Variants in REDIC1 observed in about 807,000 individuals in gnomAD.
REDIC1 encodes regulator of DNA class I crossover intermediates 1.
the REDIC1 span, among the ~76,000 whole-genome samples, chr12:39,725,346 A>G: frequency 6.6e-6 from 1 of 152,138 alleles, no homozygotes; most frequent in Non-Finnish European, 1.5e-5. Flanking sequence ...TGACATATTT[A>G]GGGTCTTTAT....
the REDIC1 span, among the ~76,000 whole-genome samples, chr12:39,744,945 C>T: frequency 6.6e-6 from 1 of 152,148 alleles, no homozygotes; most frequent in Non-Finnish European, 1.5e-5. Context: ...TTTCAAGAAG[C>T]TCACTTTCAA....
the REDIC1 span, among the ~76,000 whole-genome samples, chr12:39,800,520 G>T: frequency 8.1e-6 from 1 of 123,766 alleles, no homozygotes; most frequent in South Asian, 3.2e-4. Flanking sequence ...GGCCATCAGA[G>T]AAATGCAAAT....
the REDIC1 span, among the ~76,000 whole-genome samples, chr12:39,824,766 G>A: frequency 6.6e-6 from 1 of 152,100 alleles, no homozygotes. Flanking sequence ...GTGCTAGAGG[G>A]CAGCAGGAGA....
chr12:39,646,494 G>A, the REDIC1 span: 3 of 1,520,546 alleles, frequency 2.0e-6, no homozygotes, highest in Middle Eastern at 1.8e-4. Flanking sequence ...ATTATTAGGT[G>A]TTTAAACTGG....
chr12:39,908,260 T>C, the REDIC1 span: 113 of 151,918 alleles, frequency 7.4e-4, 2 homozygotes, highest in African/African-American at 2.7e-3. Context: ...AATTATTCCA[T>C]TATTTCCTAA....
the REDIC1 span, chr12:39,721,152 T>C: frequency 1.2e-6 from 2 of 1,613,674 alleles, no homozygotes; most frequent in Non-Finnish European, 1.7e-6. Context: ...TTTCAAAATG[T>C]ACATGTAGAA....
the REDIC1 span, among the ~76,000 whole-genome samples, chr12:39,725,036 A>T: frequency 6.6e-6 from 1 of 151,852 alleles, no homozygotes; most frequent in African/African-American, 2.4e-5. Context: ...AAGTGGGATT[A>T]AAAAAAATGA....
chr12:39,730,044 ATG>A, the REDIC1 span, among the ~76,000 whole-genome samples: 15 of 152,206 alleles, frequency 9.9e-5, no homozygotes, highest in African/African-American at 3.4e-4. Flanking sequence ...TTTTGAGCCT[ATG>A]TGTGTCTTTG....
At chr12:39,797,738 A>ACACACACG in the REDIC1 span, among the ~76,000 whole-genome samples, 2 of 52,540 alleles carry the variant, frequency 3.8e-5, no homozygotes, top group Admixed American at 2.4e-4. Context: ...ACACACACAC[A>ACACACACG]CACACACACA....
the REDIC1 span, among the ~76,000 whole-genome samples, chr12:39,738,801 GA>G: frequency 6.6e-6 from 1 of 151,684 alleles, no homozygotes; most frequent in African/African-American, 2.4e-5. Context: ...TGACTTTATA[GA>G]AAGTGACCTT....
At chr12:39,844,417 T>C in the REDIC1 span, among the ~76,000 whole-genome samples, 139 of 152,182 alleles carry the variant, frequency 9.1e-4, no homozygotes, top group African/African-American at 3.1e-3. Flanking sequence ...GTTCTTATAC[T>C]AAGAGGCTCA....
chr12:39,712,207 TATGTATATATAC>T, the REDIC1 span, among the ~76,000 whole-genome samples: 2 of 12,530 alleles, frequency 1.6e-4, no homozygotes, highest in Non-Finnish European at 3.1e-4. Flanking sequence ...CATATATACA[TATGTATATATAC>T]ATGTATATAT....
At chr12:39,714,235 G>T in the REDIC1 span, among the ~76,000 whole-genome samples, 2 of 71,718 alleles carry the variant, frequency 2.8e-5, no homozygotes, top group South Asian at 8.0e-4. Flanking sequence ...ATGCATATAT[G>T]TATATATGTA....
the REDIC1 span, among the ~76,000 whole-genome samples, chr12:39,717,101 T>C: frequency 4.6e-4 from 70 of 151,272 alleles, no homozygotes; most frequent in Non-Finnish European, 2.7e-4. Context: ...TTTATCCTTT[T>C]ATCAAGATAC....
the REDIC1 span, among the ~76,000 whole-genome samples, chr12:39,761,543 A>G: frequency 0.14 from 20,829 of 152,104 alleles, 1,688 homozygotes; most frequent in East Asian, 0.39. Flanking sequence ...AAGATACAGA[A>G]TAAGATTAGT....
chr12:39,756,948 G>A, the REDIC1 span: 1 of 151,278 alleles, frequency 6.6e-6, no homozygotes, highest in Non-Finnish European at 1.5e-5. Flanking sequence ...ATTTAAAATG[G>A]ACACATTACC....
the REDIC1 span, chr12:39,691,961 A>G: frequency 8.3e-7 from 1 of 1,201,392 alleles, no homozygotes; most frequent in Non-Finnish European, 1.1e-6. Context: ...AAAGTACTAT[A>G]AAATGAATTG....
chr12:39,840,061 TCA>T, the REDIC1 span, among the ~76,000 whole-genome samples: 1 of 152,204 alleles, frequency 6.6e-6, no homozygotes, highest in Admixed American at 6.6e-5. Context: ...AGACAGAGTC[TCA>T]CTCTGTCACC....
At chr12:39,671,534 G>C in the REDIC1 span, among the ~76,000 whole-genome samples, 1 of 152,180 alleles carries the variant, frequency 6.6e-6, no homozygotes, top group Non-Finnish European at 1.5e-5. Context: ...GGTTCTGGTT[G>C]TGGTAGTGGC....
Sources: allele counts gnomAD v4.1 joint callset (sites outside exome capture counted in the v4.1 genomes callset), GRCh38; gene constraint gnomAD v4.1.1; transcripts MANE v1.5; gene names NCBI Gene and HGNC (gene_info 2026-07-23, HGNC 2026-07-21).